ZBTB20: variants seen among roughly 807,000 people sequenced by gnomAD.
The protein encoded by ZBTB20 is zinc finger and BTB domain containing 20.
In ZBTB20, 9 loss-of-function variants were observed where a neutral mutation model predicts 56.9. That is an observed-to-expected ratio of 0.16 (90% confidence interval 0.10 to 0.28). The LOEUF (loss-of-function observed/expected upper bound fraction) is 0.28, where lower values mean the gene tolerates loss of function less well. ZBTB20 is among the 10% of genes least tolerant of loss of function. The pLI, the probability that ZBTB20 is intolerant of heterozygous loss-of-function variation, is 1.00. For synonymous variants in ZBTB20, 417 were observed against 420.7 expected, an observed-to-expected ratio of 0.99 and a Z score of 0.11; for missense variants, 655 against 1,003.0, an observed-to-expected ratio of 0.65 and a Z score of 4.69.
At chr3:114,771,883 G>C (rs140391514) in intron 5 of ZBTB20, among the ~76,000 whole-genome samples, 1 of 152,156 alleles carries the variant, frequency 6.6e-6, no homozygotes, top group East Asian at 1.9e-4. Flanking sequence ...TATTTAACTT[G>C]GATTCCTAAC....
chr3:115,035,544 A>AACACACACAC (rs111286494), intron 2 of ZBTB20, among the ~76,000 whole-genome samples: 3,538 of 147,932 alleles, frequency 0.024, 153 homozygotes, highest in African/African-American at 0.075. Flanking sequence ...GCTACTATCA[A>AACACACACAC]ACACACACAC....
At chr3:114,885,249 T>C (rs1170136957) in intron 4 of ZBTB20, among the ~76,000 whole-genome samples, 2 of 152,214 alleles carry the variant, frequency 1.3e-5, no homozygotes, top group African/African-American at 4.8e-5. Context: ...TGCACAACTC[T>C]GTGTAACCTG....
chr3:114,425,099 C>T (rs1309134983), intron 7 of ZBTB20, among the ~76,000 whole-genome samples: 2 of 148,270 alleles, frequency 1.3e-5, no homozygotes, highest in African/African-American at 5.3e-5. Flanking sequence ...TAGTAGGCAA[C>T]AAGGTGTCGC....
intron 2 of ZBTB20, among the ~76,000 whole-genome samples, chr3:115,039,979 C>T (rs1201731489): frequency 2.6e-5 from 4 of 152,166 alleles, no homozygotes; most frequent in Admixed American, 2.6e-4. Context: ...TATACATACA[C>T]ACAAATGATA....
At chr3:114,395,378 C>T (rs1705665093) in intron 7 of ZBTB20, among the ~76,000 whole-genome samples, 1 of 152,062 alleles carries the variant, frequency 6.6e-6, no homozygotes, top group South Asian at 2.1e-4. Context: ...CTCTAGGTGG[C>T]TCAGCTTTTC....
At chr3:114,682,085 C>CA (rs1189351276) in intron 6 of ZBTB20, among the ~76,000 whole-genome samples, 54 of 151,582 alleles carry the variant, frequency 3.6e-4, no homozygotes, top group African/African-American at 1.0e-3. Context: ...TTAAATTTCA[C>CA]AAAAAAAGGA....
chr3:114,396,365 T>C (rs1296535947), intron 7 of ZBTB20, among the ~76,000 whole-genome samples: 1 of 152,178 alleles, frequency 6.6e-6, no homozygotes, highest in East Asian at 1.9e-4. Flanking sequence ...AAAGTGAACA[T>C]CATTTCCCTC....
intron 2 of ZBTB20, among the ~76,000 whole-genome samples, chr3:115,033,085 CA>C (rs2080768801): frequency 1.3e-5 from 2 of 149,604 alleles, no homozygotes; most frequent in African/African-American, 4.9e-5. Flanking sequence ...GTTGGTTCTT[CA>C]AAAATATTAA....
chr3:114,954,166 T>C (rs899064885), intron 3 of ZBTB20, among the ~76,000 whole-genome samples: 4 of 152,168 alleles, frequency 2.6e-5, no homozygotes, highest in Admixed American at 6.6e-5. Flanking sequence ...TCCAAATAGT[T>C]TTGACTTCAG....
chr3:114,992,248 A>T (rs1457773608), intron 2 of ZBTB20, among the ~76,000 whole-genome samples: 1 of 152,078 alleles, frequency 6.6e-6, no homozygotes, highest in East Asian at 1.9e-4. Context: ...CTGAAAAATT[A>T]GGGCAACATG....
At chr3:114,592,725 G>A (rs114693615) in intron 6 of ZBTB20, among the ~76,000 whole-genome samples, 3,229 of 152,254 alleles carry the variant, frequency 0.021, 111 homozygotes, top group African/African-American at 0.073. Flanking sequence ...AGTTTATAGA[G>A]AACCTTCCAC....
intron 4 of ZBTB20, among the ~76,000 whole-genome samples, chr3:114,853,304 C>T (rs1475558749): frequency 4.6e-5 from 7 of 152,174 alleles, no homozygotes; most frequent in Non-Finnish European, 8.8e-5. Flanking sequence ...CTACCTGCTG[C>T]CTATATTTAA....
At chr3:114,600,960 GT>G (rs772934335) in intron 6 of ZBTB20, among the ~76,000 whole-genome samples, 406 of 141,738 alleles carry the variant, frequency 2.9e-3, no homozygotes, top group African/African-American at 7.3e-3. Flanking sequence ...TAATGCCTTA[GT>G]TTTTTTTTTT....
chr3:114,485,253 AACTAAAACCCT>A (rs2041991294), intron 7 of ZBTB20, among the ~76,000 whole-genome samples: 1 of 152,212 alleles, frequency 6.6e-6, no homozygotes, highest in South Asian at 2.1e-4. Context: ...AATGAGAGGA[AACTAAAACCCT>A]ACACAATCCT....
intron 1 of ZBTB20, among the ~76,000 whole-genome samples, chr3:115,144,439 T>C (rs1458936485): frequency 6.6e-6 from 1 of 152,200 alleles, no homozygotes; most frequent in Non-Finnish European, 1.5e-5. Context: ...TTAGATTTTC[T>C]TCCTATACCA....
chr3:114,826,676 T>A (rs951761216), intron 4 of ZBTB20, among the ~76,000 whole-genome samples: 3 of 151,748 alleles, frequency 2.0e-5, no homozygotes, highest in African/African-American at 7.2e-5. Flanking sequence ...CAAGAATTAA[T>A]GTTTGATTTA....
chr3:114,382,552 C>T lies in ZBTB20; in HGVS notation c.-153-1612G>A, dbSNP rs554959909. On this transcript the variant is annotated intron_variant, in intron 8 of 11. Transcript: ENST00000675478. Reference sequence around the variant, plus strand: ...GCCCTGTTGAAATCATACTTATTATCCTTCATACTTATTAAATGGTGTCTT... The same window carrying T: ...GCCCTGTTGAAATCATACTTATTATTCTTCATACTTATTAAATGGTGTCTT... 2.6e-5 allele frequency among the ~76,000 whole-genome samples: 4 copies of T among 152,242 alleles called. No individual in the cohort carries two copies. The South Asian group carries it at 8.3e-4, about 32-fold the overall frequency.
In ZBTB20 at chr3:114,314,815, C is replaced by T. The variant is rs979237785; in HGVS notation, c.*24190G>A. On this transcript the variant is annotated 3_prime_UTR_variant, in exon 12 of 12. Coordinates refer to ENST00000675478, the MANE Select transcript of ZBTB20 (RefSeq NM_001348800.3). The stretch of plus-strand genomic sequence containing the variant: ...ATAATAATATAATAGTATAATGAAG[C>T]GCTACAGTTAATTTTTCTTTTTTTG... 2.0e-5 allele frequency: 3 copies of T among 151,680 alleles called. No individual in the cohort carries two copies. Among genetic ancestry groups the T allele is most frequent in the Non-Finnish European group, 2.9e-5 (2 of 67,930 alleles). 9.4% of individuals were successfully genotyped at this position (151,680 alleles called of 1,614,324 possible). A position where few individuals can be genotyped will look rare whatever the true frequency, so the allele number is the denominator to read the frequency against.
Position 115,089,212 on chromosome 3 carries a change from TAG to T in ZBTB20, c.-702-17800_-702-17799del, listed in dbSNP as rs548106650. Among the ~76,000 whole-genome samples, 19 of 151,924 alleles carry T rather than the reference TAG, an allele frequency of 1.3e-4. No homozygotes were observed. The South Asian group carries it at 3.9e-3, about 31-fold the overall frequency. Reference sequence around the variant, plus strand: ...TACTGGTTAACTTTGCTGTGAAAATTAGAGTGAACCAGAATTCAATCCCAGTT... The same window carrying T: ...TACTGGTTAACTTTGCTGTGAAAATTAGTGAACCAGAATTCAATCCCAGTT... On this transcript the variant is annotated intron_variant, in intron 1 of 11. Transcript: ENST00000675478.
Sources: allele counts gnomAD v4.1 joint callset (sites outside exome capture counted in the v4.1 genomes callset), GRCh38; gene constraint gnomAD v4.1.1; transcripts MANE v1.5; gene names NCBI Gene and HGNC (gene_info 2026-07-23, HGNC 2026-07-21).